Variants in TMEM62 observed in about 807,000 individuals in gnomAD.
TMEM62 encodes transmembrane protein 62.
A neutral mutation model predicts 70.4 loss-of-function variants in TMEM62; 41 were observed. The ratio of observed to expected loss-of-function variants is 0.58; its 90% CI spans 0.45 to 0.76. TMEM62 has a LOEUF of 0.76. Ranked by LOEUF, TMEM62 falls within the 30% of genes least tolerant of loss-of-function variation. The pLI, the probability that TMEM62 is intolerant of heterozygous loss-of-function variation, is 0.00. For synonymous variants in TMEM62, 268 were observed against 291.0 expected (o/e 0.92, Z 0.80); for missense variants, 688 against 788.5 (o/e 0.87, Z 1.53).
At chr15:43,182,153 C>T (rs2041393253) in intron 13 of TMEM62, among the ~76,000 whole-genome samples, 1 of 152,140 alleles carries the variant, frequency 6.6e-6, no homozygotes, top group Admixed American at 6.5e-5. Context: ...AACCTTGATC[C>T]ATAGAAAAAC....
In TMEM62 at chr15:43,151,782, G is replaced by C. The variant is rs750170758; in HGVS notation, c.867-8G>C. 10 of 1,612,070 alleles carry C rather than the reference G, an allele frequency of 6.2e-6. No individual in the cohort carries two copies. In the South Asian group the frequency reaches 7.7e-5, roughly 12 times the overall value. On this transcript the variant is annotated splice_region_variant and splice_polypyrimidine_tract_variant and intron_variant, in intron 7 of 13. Coordinates refer to ENST00000260403, the MANE Select transcript of TMEM62 (RefSeq NM_024956.4). ...GACTAAATTACCTTATCATTATCTG[G>C]TCTTTAGGTACCGGATTTTTGCTTT...
At chr15:43,183,914 C>T (rs2041633550) in intron 13 of TMEM62, among the ~76,000 whole-genome samples, 1 of 152,202 alleles carries the variant, frequency 6.6e-6, no homozygotes, top group Non-Finnish European at 1.5e-5. Flanking sequence ...CAAGTCCTCC[C>T]CTCACTCCAC....
intron 7 of TMEM62, among the ~76,000 whole-genome samples, chr15:43,149,704 G>A (rs552407400): frequency 2.6e-5 from 4 of 152,230 alleles, no homozygotes; most frequent in East Asian, 3.9e-4. Flanking sequence ...TTACAGGCGT[G>A]AGCCATGGCG....
At chr15:43,142,994 T>TC (rs2036246195) in intron 4 of TMEM62, among the ~76,000 whole-genome samples, 1 of 152,116 alleles carries the variant, frequency 6.6e-6, no homozygotes, top group Non-Finnish European at 1.5e-5. Context: ...TAAATTAAGG[T>TC]ATGTGCATTG....
At chr15:43,133,585 C>A, upstream of TMEM62, 1 of 375,170 alleles carries the variant, frequency 2.7e-6, no homozygotes, top group East Asian at 3.9e-5. Flanking sequence ...CGAGCCCAGT[C>A]ACTTGCGCGG....
intron 10 of TMEM62, among the ~76,000 whole-genome samples, chr15:43,163,785 A>AAC (rs1555461666): frequency 1.3e-5 from 2 of 151,514 alleles, no homozygotes; most frequent in African/African-American, 4.9e-5. Context: ...CCGTCTCAAA[A>AAC]AAAAAACAAA....
intron 11 of TMEM62, among the ~76,000 whole-genome samples, chr15:43,177,099 G>A (rs1451828470): frequency 1.3e-5 from 2 of 151,980 alleles, no homozygotes; most frequent in Admixed American, 1.3e-4. Context: ...GATGGAAGAT[G>A]AAATGAATGA....
chr15:43,154,425 T>C (rs761552485), intron 8 of TMEM62, among the ~76,000 whole-genome samples: 1 of 152,194 alleles, frequency 6.6e-6, no homozygotes. Flanking sequence ...AAAAGAAAAT[T>C]GATTTTTCTT....
chr15:43,181,165 C>T lies in TMEM62; in HGVS notation c.1487-16C>T. 6.6e-7 allele frequency: 1 copy of T among 1,504,972 alleles called. No individual in the cohort carries two copies. The highest frequency in any genetic ancestry group is 1.4e-5 in the African/African-American group (1 of 72,484). The allele number at this position is 1,504,972 out of a possible 1,614,324, so 93.2% of individuals were successfully genotyped here. The stretch of plus-strand genomic sequence containing the variant: ...GTTATTTAATCTCCTCCTTTTTTGT[C>T]CATTGCCTCTTTTAGGTCCATGGTT... On this transcript the variant is annotated splice_polypyrimidine_tract_variant and intron_variant, in intron 12 of 13. Coordinates refer to ENST00000260403, the MANE Select transcript of TMEM62 (RefSeq NM_024956.4).
chr15:43,184,233 G>A (rs775564150), intron 13 of TMEM62, 27 bp from the exon 14 acceptor site: 2 of 1,585,800 alleles, frequency 1.3e-6, no homozygotes, highest in South Asian at 2.3e-5. Flanking sequence ...GGACTTGGGA[G>A]TAAGCTATGG....
chr15:43,137,195 T>G (rs1005974154), intron 3 of TMEM62, among the ~76,000 whole-genome samples: 41 of 152,360 alleles, frequency 2.7e-4, no homozygotes, highest in African/African-American at 9.9e-4. Flanking sequence ...TTTGTTTGAT[T>G]TATAAAGGTT....
intron 1 of TMEM62, 122 bp downstream of exon 1, chr15:43,134,104 C>A: frequency 1.4e-6 from 2 of 1,426,166 alleles, no homozygotes; most frequent in Non-Finnish European, 9.3e-7. Flanking sequence ...TAACTCGAGG[C>A]TCTGTCTAGT....
chr15:43,142,732 G>A (rs9744213), intron 4 of TMEM62, among the ~76,000 whole-genome samples: 23,495 of 149,650 alleles, frequency 0.16, 2,034 homozygotes, highest in South Asian at 0.24. Flanking sequence ...GCAATGGCGC[G>A]ATCTCAGCTC....
At chr15:43,158,267 G>A (rs998141554) in intron 9 of TMEM62, among the ~76,000 whole-genome samples, 1 of 152,156 alleles carries the variant, frequency 6.6e-6, no homozygotes, top group African/African-American at 2.4e-5. Context: ...TTTCTATAAT[G>A]TTAAGATGGA....
intron 9 of TMEM62, among the ~76,000 whole-genome samples, chr15:43,155,957 A>G (rs1262921654): frequency 6.6e-6 from 1 of 152,138 alleles, no homozygotes; most frequent in East Asian, 1.9e-4. Flanking sequence ...CAGAGTAGAA[A>G]ATAATAATCA....
intron 7 of TMEM62, among the ~76,000 whole-genome samples, chr15:43,150,121 T>G (rs74009238): frequency 0.029 from 4,453 of 152,314 alleles, 203 homozygotes; most frequent in African/African-American, 0.1. Flanking sequence ...GTTATCTTTT[T>G]ATTTTTAACT....
intron 4 of TMEM62, among the ~76,000 whole-genome samples, chr15:43,144,438 C>T (rs1377340457): frequency 6.6e-6 from 1 of 151,776 alleles, no homozygotes; most frequent in African/African-American, 2.4e-5. Flanking sequence ...AGGCAAGTAA[C>T]ATAATTAAAA....
At chr15:43,168,173 C>CA (rs1555463238) in intron 10 of TMEM62, among the ~76,000 whole-genome samples, 1 of 62,188 alleles carries the variant, frequency 1.6e-5, no homozygotes, top group African/African-American at 8.5e-5. Context: ...GAGAGGGAGA[C>CA]GGAGACGGAG....
chr15:43,145,301 T>A (rs550405657), intron 4 of TMEM62, among the ~76,000 whole-genome samples: 10 of 147,664 alleles, frequency 6.8e-5, no homozygotes, highest in Middle Eastern at 3.7e-3. Flanking sequence ...GCCTCCCGGG[T>A]TCAAGCCATT....
Sources: gnomAD v4.1 joint callset for allele counts (sites outside exome capture counted in the v4.1 genomes callset) on GRCh38, gnomAD v4.1.1 for gene constraint, MANE v1.5 for transcripts, NCBI Gene and HGNC (gene_info 2026-07-23, HGNC 2026-07-21) for gene names.